MIPOL1: variants seen among roughly 807,000 people sequenced by gnomAD.
MIPOL1 encodes mirror-image polydactyly 1.
In MIPOL1, 57 loss-of-function variants were observed where a neutral mutation model predicts 60.9. The ratio of observed to expected loss-of-function variants is 0.94; its 90% CI spans 0.76 to 1.17. The LOEUF (loss-of-function observed/expected upper bound fraction) is 1.17. MIPOL1 is among the 50% of genes most tolerant of loss of function. MIPOL1 has a pLI of 0.00. For missense variants in MIPOL1, 551 were observed against 511.6 expected (o/e 1.08, Z -0.74); for synonymous variants, 179 against 168.8 (o/e 1.06, Z -0.47).
At chr14:37,250,954 T>A (rs999006846) in intron 3 of MIPOL1, among the ~76,000 whole-genome samples, 2 of 152,146 alleles carry the variant, frequency 1.3e-5, no homozygotes, top group African/African-American at 4.8e-5. Flanking sequence ...ATAGAACCAT[T>A]TATGTTTTTC....
intron 8 of MIPOL1, 98 bp from the exon 9 acceptor site, chr14:37,308,247 CTCAG>C (rs1422749638): frequency 2.5e-6 from 3 of 1,203,182 alleles, no homozygotes; most frequent in Non-Finnish European, 3.5e-6. Context: ...AATAACTTCA[CTCAG>C]TCAATTTACA....
At chr14:37,509,504 A>G (rs1245809832) in intron 12 of MIPOL1, among the ~76,000 whole-genome samples, 4 of 151,974 alleles carry the variant, frequency 2.6e-5, no homozygotes, top group East Asian at 3.9e-4. Context: ...ATTATAGAAC[A>G]GGATAGATGA....
intron 12 of MIPOL1, 141 bp downstream of exon 12, chr14:37,500,279 A>C: frequency 1.5e-6 from 1 of 667,496 alleles, no homozygotes; most frequent in Non-Finnish European, 2.5e-6. Flanking sequence ...GAACTTTTTT[A>C]GATTGGATAC....
At chr14:37,328,523 T>G (rs1025687847) in intron 9 of MIPOL1, among the ~76,000 whole-genome samples, 2 of 152,146 alleles carry the variant, frequency 1.3e-5, no homozygotes, top group Admixed American at 1.3e-4. Flanking sequence ...AAATGAAATT[T>G]AAAAAAATAT....
intron 9 of MIPOL1, among the ~76,000 whole-genome samples, chr14:37,363,072 A>G (rs964074430): frequency 3.9e-5 from 6 of 152,100 alleles, no homozygotes; most frequent in African/African-American, 1.4e-4. Context: ...TTTAGCTTGG[A>G]GAAGTTTGTT....
intron 10 of MIPOL1, among the ~76,000 whole-genome samples, chr14:37,408,792 C>A (rs1282661038): frequency 6.6e-6 from 1 of 152,194 alleles, no homozygotes; most frequent in Non-Finnish European, 1.5e-5. Flanking sequence ...CAGGCAGATA[C>A]TGCAGGGACC....
intron 7 of MIPOL1, among the ~76,000 whole-genome samples, chr14:37,302,262 G>GTTTTT (rs57468146): frequency 8.4e-4 from 80 of 94,992 alleles, no homozygotes; most frequent in Middle Eastern, 0.01. Flanking sequence ...TGGAACTGTT[G>GTTTTT]TTTTTTTTTT....
At chr14:37,448,135 T>G in intron 11 of MIPOL1, among the ~76,000 whole-genome samples, 1 of 152,354 alleles carries the variant, frequency 6.6e-6, no homozygotes, top group South Asian at 2.1e-4. Flanking sequence ...TCTCCAAAAC[T>G]GTTTCATAAT....
intron 9 of MIPOL1, among the ~76,000 whole-genome samples, chr14:37,341,245 G>T (rs1265457219): frequency 6.6e-6 from 1 of 152,168 alleles, no homozygotes; most frequent in African/African-American, 2.4e-5. Context: ...CAATGGATTT[G>T]CTTGACACGG....
At chr14:37,287,684 A>G (rs750057016) in intron 7 of MIPOL1, among the ~76,000 whole-genome samples, 8 of 152,354 alleles carry the variant, frequency 5.3e-5, no homozygotes, top group Middle Eastern at 3.4e-3. Flanking sequence ...TTTTCTCTCA[A>G]TAAGCTATAT....
intron 9 of MIPOL1, among the ~76,000 whole-genome samples, chr14:37,341,017 T>C (rs1420469346): frequency 6.6e-6 from 1 of 152,242 alleles, no homozygotes; most frequent in African/African-American, 2.4e-5. Flanking sequence ...ACTAACATGC[T>C]GTCCAGGTAG....
At chr14:37,289,956 G>A (rs1253418270) in intron 7 of MIPOL1, among the ~76,000 whole-genome samples, 1 of 152,168 alleles carries the variant, frequency 6.6e-6, no homozygotes, top group African/African-American at 2.4e-5. Flanking sequence ...AGGGTGGAAT[G>A]ATGACCAAAT....
chr14:37,446,053 A>C (rs1185033986), intron 11 of MIPOL1, among the ~76,000 whole-genome samples: 3 of 152,212 alleles, frequency 2.0e-5, no homozygotes, highest in African/African-American at 7.2e-5. Context: ...CAATGGCAAC[A>C]AAAGCCAAAA....
intron 9 of MIPOL1, among the ~76,000 whole-genome samples, chr14:37,330,779 A>G (rs2089612191): frequency 7.5e-6 from 1 of 132,812 alleles, no homozygotes. Context: ...TCCTTCTTTT[A>G]CCACTAAAAT....
intron 9 of MIPOL1, among the ~76,000 whole-genome samples, chr14:37,338,157 A>T (rs1187961292): frequency 7.2e-6 from 1 of 139,802 alleles, no homozygotes; most frequent in Non-Finnish European, 1.5e-5. Context: ...CCCAGGCTGG[A>T]GTGCAGTGGC....
At chr14:37,435,236 A>T (rs1455326098) in intron 11 of MIPOL1, among the ~76,000 whole-genome samples, 1 of 152,146 alleles carries the variant, frequency 6.6e-6, no homozygotes. Context: ...CTCCAGCCAC[A>T]CTAGGTTCCT....
At chr14:37,219,142 G>A (rs1968308420) in intron 1 of MIPOL1, among the ~76,000 whole-genome samples, 1 of 152,110 alleles carries the variant, frequency 6.6e-6, no homozygotes, top group Non-Finnish European at 1.5e-5. Flanking sequence ...GGAATCATCA[G>A]GGTTAGAGAA....
At chr14:37,323,114 A>G (rs1351762963) in intron 9 of MIPOL1, among the ~76,000 whole-genome samples, 1 of 152,044 alleles carries the variant, frequency 6.6e-6, no homozygotes, top group Non-Finnish European at 1.5e-5. Context: ...TTTAGGTCTT[A>G]TGTTTAAATC....
intron 7 of MIPOL1, among the ~76,000 whole-genome samples, chr14:37,289,466 A>G (rs73254064): frequency 0.023 from 3,540 of 152,326 alleles, 153 homozygotes; most frequent in African/African-American, 0.08. Context: ...TAGTGTTCAT[A>G]CAGTCCCCTC....
Sources: gnomAD v4.1 joint callset for allele counts (sites outside exome capture counted in the v4.1 genomes callset) on GRCh38, gnomAD v4.1.1 for gene constraint, MANE v1.5 for transcripts, NCBI Gene and HGNC (gene_info 2026-07-23, HGNC 2026-07-21) for gene names.